The following TMEM255B variants were observed in gnomAD, a reference collection of about 807,000 sequenced individuals.
TMEM255B encodes transmembrane protein 255B, also known as family with sequence similarity 70, member B.
Under a neutral mutation model 34.5 loss-of-function variants are expected in TMEM255B, and 35 were observed. The ratio of observed to expected loss-of-function variants is 1.01; its 90% CI spans 0.77 to 1.34. The LOEUF is 1.34. TMEM255B is among the 40% of genes most tolerant of loss of function. TMEM255B has a pLI of 0.00. For synonymous variants in TMEM255B, 206 were observed against 201.2 expected, an observed-to-expected ratio of 1.02 and a Z score of -0.20; for missense variants, 432 against 433.2, an observed-to-expected ratio of 1.00 and a Z score of 0.02.
chr13:113,799,343 C>T lies in TMEM255B; in HGVS notation c.347C>T (p.Pro116Leu), dbSNP rs114871504. Residue 116 changes from proline to leucine, a missense_variant, in exon 5 of 9, where the codon CCG becomes CTG. Coordinates refer to ENST00000375353, the MANE Select transcript of TMEM255B (RefSeq NM_182614.4). ...TGTGTTTATCTGTTTCTCTAGGAAC[C>T]GAGGCCCCTCACCACGGGAAGATGC... ...DGVFAAQHIE[P>L]RPLTTGRCQF... The T allele has an allele frequency of 1.2e-3, 1,985 of 1,613,930 alleles. 23 individuals are homozygous for T. In the African/African-American group the frequency reaches 0.023, roughly 19 times the overall value.
At chr13:113,804,115 T>A in intron 7 of TMEM255B, among the ~76,000 whole-genome samples, 1 of 152,120 alleles carries the variant, frequency 6.6e-6, no homozygotes, top group African/African-American at 2.4e-5. Context: ...CTCGGCCCAG[T>A]CCCCGCGTTT....
rs1566342025 is a variant in TMEM255B, at chr13:113,812,943, G to GGTCCCGGGTGGGTCACA, written c.*1041_*1042insTCCCGGGTGGGTCACAG. On this transcript the variant is annotated 3_prime_UTR_variant, in exon 9 of 9. Coordinates refer to ENST00000375353, the MANE Select transcript of TMEM255B (RefSeq NM_182614.4). Reference sequence around the variant, plus strand: ...GAGTCACGGGTCCCGGGTGGGTCACGGGTCCCGGGTGGGTCACGGGCCCCG... The same window carrying GGTCCCGGGTGGGTCACA: ...GAGTCACGGGTCCCGGGTGGGTCACGGTCCCGGGTGGGTCACAGGTCCCGGGTGGGTCACGGGCCCCG... 3 of 114,838 alleles carry GGTCCCGGGTGGGTCACA rather than the reference G, an allele frequency of 2.6e-5. No homozygotes were observed. The East Asian group carries it at 7.5e-4, about 29-fold the overall frequency. 7.1% of individuals were successfully genotyped at this position (114,838 alleles called of 1,614,324 possible).
At chr13:113,765,483 T>C (rs1594616141) in intron 1 of TMEM255B, among the ~76,000 whole-genome samples, 2 of 152,174 alleles carry the variant, frequency 1.3e-5, no homozygotes, top group East Asian at 3.8e-4. Context: ...CACACGCACT[T>C]ACACATGTGC....
rs946116657 is a variant in TMEM255B at position 113,774,956 on chromosome 13, C to T, written c.252+5796C>T. 8.1e-5 allele frequency among the ~76,000 whole-genome samples: 12 copies of T among 147,350 alleles called. 1 individual carries two copies. The highest frequency in any genetic ancestry group is 6.9e-4 in the South Asian group (3 of 4,344). ...CACCACACACACTGCACACAACACACGACACACACCACACAATGCACATCA... is the reference window on the plus strand; with the variant it reads ...CACCACACACACTGCACACAACACATGACACACACCACACAATGCACATCA... On this transcript the variant is annotated intron_variant, in intron 3 of 8. Transcript: ENST00000375353.
intron 3 of TMEM255B, among the ~76,000 whole-genome samples, chr13:113,775,078 CACACCACAT>C (rs1566724816): frequency 3.3e-5 from 5 of 151,232 alleles, no homozygotes; most frequent in Non-Finnish European, 5.9e-5. Flanking sequence ...ACACTCCACA[CACACCACAT>C]ACACCACACA....
intron 3 of TMEM255B, among the ~76,000 whole-genome samples, chr13:113,771,598 G>A (rs572687542): frequency 5.7e-4 from 87 of 152,306 alleles, no homozygotes; most frequent in Admixed American, 9.8e-4. Context: ...AGAATCACTT[G>A]AACCTGGGAG....
chr13:113,767,858 A>G (rs1272069301), intron 2 of TMEM255B, among the ~76,000 whole-genome samples: 1 of 152,252 alleles, frequency 6.6e-6, no homozygotes, highest in East Asian at 1.9e-4. Context: ...GTAGTGTAAC[A>G]GATGTATTTT....
rs554740580 is a variant in TMEM255B at position 113,791,997 on chromosome 13, A to G, written c.253-3151A>G. ...GAAGGGTGCACTGCGGGACAGGAAC[A>G]TCCCCCGGAACTGCGGGAGGCCCCA... On this transcript the variant is annotated intron_variant, in intron 3 of 8. Transcript: ENST00000375353. Among the ~76,000 whole-genome samples the G allele has an allele frequency of 6.4e-4, 97 of 152,286 alleles. 1 individual carries two copies. In the Middle Eastern group the frequency reaches 0.014, roughly 21 times the overall value.
intron 3 of TMEM255B, among the ~76,000 whole-genome samples, 173 bp from the exon 4 acceptor site, chr13:113,794,975 G>A (rs1037776850): frequency 3.9e-5 from 6 of 152,268 alleles, no homozygotes; most frequent in African/African-American, 1.4e-4. Flanking sequence ...AGGACGACCC[G>A]CAGGGTGGAG....
Position 113,811,832 on chromosome 13 carries a change from G to C in TMEM255B, c.910G>C (p.Gly304Arg). The C allele has an allele frequency of 6.2e-7, 1 of 1,613,880 alleles. No homozygotes were observed. Among genetic ancestry groups the C allele is most frequent in the Non-Finnish European group, 8.5e-7 (1 of 1,179,868 alleles). ...AAGCAGCTCTGGCTCTGGGCTTCCC[G>C]GCCAGGCTCCACCGTGCTACGCACC... Reference protein sequence around the residue: ...SPSSSGSGLPGQAPPCYAPTY... With the variant: ...SPSSSGSGLPRQAPPCYAPTY... The change falls in exon 9 of 9, where the codon GGC becomes CGC. Residue 304 changes from glycine to arginine, a missense_variant. Physicochemically the swap from Gly to Arg is moderately radical, Grantham distance 125 (BLOSUM62 -2). Coordinates refer to ENST00000375353, the MANE Select transcript of TMEM255B (RefSeq NM_182614.4).
Position 113,803,038 on chromosome 13 carries a change from C to G in TMEM255B, c.669+1226C>G, listed in dbSNP as rs2051096090. The G allele has an allele frequency of 1.3e-5, 2 of 148,316 alleles. 1 individual carries two copies. The highest frequency in any genetic ancestry group is 1.3e-4 in the Admixed American group (2 of 14,858). 9.2% of individuals were successfully genotyped at this position (148,316 alleles called of 1,614,324 possible). On this transcript the variant is annotated intron_variant, in intron 7 of 8. Transcript: ENST00000375353. ...TCAGTGTCTCCTCTCAGCGGCCGTC[C>G]CAGGAGGAACTGCAGCCGGATTGTA...
At chr13:113,798,555 A>G (rs2050983464) in intron 4 of TMEM255B, among the ~76,000 whole-genome samples, 1 of 149,744 alleles carries the variant, frequency 6.7e-6, no homozygotes, top group Admixed American at 6.6e-5. Flanking sequence ...GGATAGAAGG[A>G]TGGATGATGG....
intron 7 of TMEM255B, among the ~76,000 whole-genome samples, chr13:113,803,551 G>C (rs1594164000): frequency 1.3e-5 from 2 of 148,310 alleles, no homozygotes; most frequent in African/African-American, 4.9e-5. Flanking sequence ...CGTGTTCTCT[G>C]CTTTCTGTGC....
At chr13:113,766,311 T>G in intron 2 of TMEM255B, 54 bp downstream of exon 2, 1 of 1,609,628 alleles carries the variant, frequency 6.2e-7, no homozygotes, top group Non-Finnish European at 8.5e-7. Context: ...GGTGTGTGGC[T>G]CTCTCAGGGT....
chr13:113,762,388 C>T (rs1168455487), intron 1 of TMEM255B, among the ~76,000 whole-genome samples: 1 of 152,142 alleles, frequency 6.6e-6, no homozygotes, highest in East Asian at 1.9e-4. Flanking sequence ...GCAACCATTG[C>T]TCCCAGTGCC....
intron 8 of TMEM255B, among the ~76,000 whole-genome samples, 182 bp downstream of exon 8, chr13:113,805,210 G>A (rs9577887): frequency 0.08 from 12,213 of 152,212 alleles, 558 homozygotes; most frequent in Admixed American, 0.14. Context: ...AAGTATGGCC[G>A]GGGACCGCGC....
chr13:113,810,927 G>A (rs998537471), intron 8 of TMEM255B, among the ~76,000 whole-genome samples: 3 of 152,142 alleles, frequency 2.0e-5, no homozygotes, highest in Non-Finnish European at 2.9e-5. Flanking sequence ...GAGCCCAGGG[G>A]CCCCAGGCCT....
At chr13:113,774,574 A>G (rs1350157733) in intron 3 of TMEM255B, among the ~76,000 whole-genome samples, 2 of 104,278 alleles carry the variant, frequency 1.9e-5, no homozygotes, top group Non-Finnish European at 4.0e-5. Context: ...AACACACATG[A>G]CACACACACC....
intron 2 of TMEM255B, chr13:113,766,506 G>A (rs958072882): frequency 4.9e-6 from 3 of 606,208 alleles, no homozygotes; most frequent in African/African-American, 1.8e-5. Context: ...ATAGGGCCAG[G>A]TGCCCTCCAT....
Sources: allele counts gnomAD v4.1 joint callset (sites outside exome capture counted in the v4.1 genomes callset), GRCh38; gene constraint gnomAD v4.1.1; transcripts MANE v1.5; gene names NCBI Gene and HGNC (gene_info 2026-07-23, HGNC 2026-07-21).